MICAL2: variants seen among roughly 807,000 people sequenced by gnomAD.
The protein encoded by MICAL2 is [F-actin]-monooxygenase MICAL2.
MICAL2 carries 77 observed loss-of-function variants against 127.3 expected under a neutral mutation model. The observed-to-expected ratio is 0.60, with a 90% CI of 0.50 to 0.73. The LOEUF (loss-of-function observed/expected upper bound fraction) is 0.73. Among genes scored for constraint, MICAL2 ranks in the 30% least tolerant of loss-of-function variants. The pLI, the probability that MICAL2 is intolerant of heterozygous loss-of-function variation, is 0.00. For missense variants in MICAL2, 1,351 were observed against 1,434.4 expected (o/e 0.94, Z 0.94); for synonymous variants, 570 against 551.1 (o/e 1.03, Z -0.48).
At position 12,224,727 on chromosome 11, in the gene MICAL2, G is replaced by A; in HGVS notation, c.1595G>A (p.Gly532Asp). The A allele has an allele frequency of 6.2e-7, 1 of 1,614,192 alleles. No homozygotes were observed. ...ACCTGGTGCCAGCAGCAGACAGAGGGCTACCAGCATGTCAACGTCACCGAC... is the reference window on the plus strand; with the variant it reads ...ACCTGGTGCCAGCAGCAGACAGAGGACTACCAGCATGTCAACGTCACCGAC... ...LLTWCQQQTE[G>D]YQHVNVTDLT... is the part of the protein sequence containing the mutation. Residue 532 changes from glycine to aspartate, a missense_variant, in exon 13 of 28, where the codon GGC (glycine) becomes GAC (aspartate). Gly to Asp is a moderately conservative substitution (Grantham distance 94, BLOSUM62 -1). Coordinates refer to ENST00000683283, the MANE Select transcript of MICAL2 (RefSeq NM_001282663.2).
upstream of MICAL2, chr11:12,275,841 T>C: frequency 5.0e-6 from 2 of 397,336 alleles, no homozygotes; most frequent in Non-Finnish European, 8.9e-6. Flanking sequence ...GGGGTGAGGG[T>C]TCCAGAGGTG....
chr11:12,229,502 GTCAGTGTT>G (rs1452205431), intron 15 of MICAL2, among the ~76,000 whole-genome samples: 1 of 152,236 alleles, frequency 6.6e-6, no homozygotes, highest in Non-Finnish European at 1.5e-5. Flanking sequence ...AGGCAAGCCA[GTCAGTGTT>G]TCTGGAAGCT....
intron 2 of MICAL2, among the ~76,000 whole-genome samples, chr11:12,285,330 C>T (rs1333600454): frequency 1.3e-5 from 2 of 152,122 alleles, no homozygotes; most frequent in African/African-American, 4.8e-5. Flanking sequence ...TGGGAAGGTT[C>T]GGAATCTTGC....
At chr11:12,192,296 G>A (rs1003128499) in intron 3 of MICAL2, among the ~76,000 whole-genome samples, 1 of 152,190 alleles carries the variant, frequency 6.6e-6, no homozygotes, top group African/African-American at 2.4e-5. Flanking sequence ...AGCCTCCTGG[G>A]CACCCAGGCT....
At chr11:12,261,104 A>G (rs1863055340) in intron 26 of MICAL2, 2 of 985,188 alleles carry the variant, frequency 2.0e-6, no homozygotes, top group Admixed American at 6.2e-5. Context: ...GGAGTGGAAG[A>G]CTCTGTCCAC....
chr11:12,256,483 G>A (rs1413189258), intron 23 of MICAL2: 7 of 269,190 alleles, frequency 2.6e-5, no homozygotes, highest in East Asian at 1.4e-4. Flanking sequence ...AGCCCACTCC[G>A]TCAGACCAGG....
intron 1 of MICAL2, among the ~76,000 whole-genome samples, chr11:12,279,093 G>A (rs532749412): frequency 1.3e-5 from 2 of 152,326 alleles, no homozygotes; most frequent in South Asian, 4.1e-4. Context: ...ACATTCAGTA[G>A]GCAAGTGGAG....
At chr11:12,294,261 T>G (rs1248974606), downstream of MICAL2, 4 of 1,614,084 alleles carry the variant, frequency 2.5e-6, no homozygotes, top group Non-Finnish European at 3.4e-6. Flanking sequence ...GCCAATGCCA[T>G]CCGAAGGTCT....
intron 5 of MICAL2, chr11:12,208,431 CAT>C (rs1855005531): frequency 3.5e-6 from 1 of 285,272 alleles, no homozygotes; most frequent in East Asian, 8.3e-5. Flanking sequence ...GGACAGAAGA[CAT>C]AGATTTGGTT....
intron 4 of MICAL2, among the ~76,000 whole-genome samples, chr11:12,205,381 C>T (rs1416929464): frequency 6.6e-6 from 1 of 152,080 alleles, no homozygotes. Flanking sequence ...TTTTTTTCAA[C>T]CAAACACCTG....
intron 29 of MICAL2, among the ~76,000 whole-genome samples, chr11:12,311,593 C>G (rs938803330): frequency 5.9e-5 from 9 of 152,004 alleles, no homozygotes; most frequent in Non-Finnish European, 1.5e-5. Flanking sequence ...TTAGAGACAG[C>G]GTTTCACCGT....
intron 3 of MICAL2, among the ~76,000 whole-genome samples, chr11:12,186,773 C>A (rs1409558044): frequency 6.6e-6 from 1 of 152,126 alleles, no homozygotes; most frequent in Non-Finnish European, 1.5e-5. Flanking sequence ...TCAAGGGTGC[C>A]CAGCACAGGT....
chr11:12,239,468 C>G lies in MICAL2; in HGVS notation c.2097C>G (p.Ser699=). 1 of 1,614,180 alleles carries G rather than the reference C, an allele frequency of 6.2e-7. No individual in the cohort carries two copies. The highest frequency in any genetic ancestry group is 8.5e-7 in the Non-Finnish European group (1 of 1,180,048). The stretch of plus-strand genomic sequence containing the variant: ...ACTTTTCCAGCCGTAGCTTGGGCTC[C>G]AATCAAGAGTGTGGGAGCAGTAAGG... The part of the protein sequence containing the change: ...PSNFSSRSLG[S]NQECGSSKEG... Residue 699 remains serine (S), a synonymous_variant, in exon 17 of 28, where the codon TCC becomes TCG. Coordinates refer to ENST00000683283, the MANE Select transcript of MICAL2 (RefSeq NM_001282663.2).
At chr11:12,284,100 C>A (rs1020603692) in intron 2 of MICAL2, among the ~76,000 whole-genome samples, 1 of 152,148 alleles carries the variant, frequency 6.6e-6, no homozygotes, top group Non-Finnish European at 1.5e-5. Flanking sequence ...ATTGTGAAAT[C>A]CACACCCAAG....
intron 32 of MICAL2, among the ~76,000 whole-genome samples, chr11:12,348,791 A>G (rs958335740): frequency 2.0e-5 from 3 of 152,230 alleles, no homozygotes; most frequent in Non-Finnish European, 4.4e-5. Context: ...TTCTTCAGCT[A>G]TCAAGTGGTG....
Position 12,220,353 on chromosome 11 carries a change from C to G in MICAL2, c.1101C>G (p.Ala367=), listed in dbSNP as rs1276017066. ...AMNHYGQPDV[A]MFDFTCMYAS... ...ACCACTATGGGCAGCCTGATGTGGC[C>G]ATGTTTGACTTTACCTGCATGTATG... is the stretch of plus-strand genomic sequence containing the variant. The change falls in exon 9 of 28, where the codon GCC becomes GCG. Residue 367 remains alanine (A), a synonymous_variant. Coordinates refer to ENST00000683283, the MANE Select transcript of MICAL2 (RefSeq NM_001282663.2). 6.2e-7 allele frequency: 1 copy of G among 1,614,238 alleles called. No homozygotes were observed. Among genetic ancestry groups the G allele is most frequent in the South Asian group, 1.1e-5 (1 of 91,086 alleles).
At chr11:12,147,088 ATT>A in intron 2 of MICAL2, among the ~76,000 whole-genome samples, 2 of 152,274 alleles carry the variant, frequency 1.3e-5, no homozygotes, top group African/African-American at 4.8e-5. Context: ...GAAGGATAGC[ATT>A]AGGAGATATA....
chr11:12,350,820 G>A (rs187937272), intron 33 of MICAL2, among the ~76,000 whole-genome samples: 6 of 152,294 alleles, frequency 3.9e-5, no homozygotes, highest in African/African-American at 1.2e-4. Context: ...AGACTGGATG[G>A]CTTACAACAG....
intron 32 of MICAL2, among the ~76,000 whole-genome samples, chr11:12,338,228 T>C (rs1938800719): frequency 6.6e-6 from 1 of 152,206 alleles, no homozygotes; most frequent in Non-Finnish European, 1.5e-5. Context: ...TTGTCTCTTT[T>C]GATCTTTGTT....
Sources: allele counts gnomAD v4.1 joint callset (sites outside exome capture counted in the v4.1 genomes callset), GRCh38; gene constraint gnomAD v4.1.1; transcripts MANE v1.5; gene names NCBI Gene and HGNC (gene_info 2026-07-23, HGNC 2026-07-21).